PEPD: variants seen among roughly 807,000 people sequenced by gnomAD.
The protein encoded by PEPD is xaa-Pro dipeptidase.
PEPD carries 53 observed loss-of-function variants against 60.7 expected under a neutral mutation model. That is an observed-to-expected ratio of 0.87 (90% CI 0.70 to 1.10). PEPD has a LOEUF of 1.10. PEPD is among the 50% of genes least tolerant of loss of function. The pLI is 0.00. For missense variants in PEPD, 711 were observed against 711.9 expected (o/e 1.00, Z 0.01); for synonymous variants, 267 against 284.1 (o/e 0.94, Z 0.60).
At chr19:33,489,074 TC>T (rs1204090821) in intron 6 of PEPD, among the ~76,000 whole-genome samples, 1 of 151,874 alleles carries the variant, frequency 6.6e-6, no homozygotes, top group Admixed American at 6.6e-5. Context: ...GGCAGGGCTC[TC>T]CCGCCCTCTC....
chr19:33,433,067 C>T (rs1222993822), intron 9 of PEPD, among the ~76,000 whole-genome samples: 2 of 152,242 alleles, frequency 1.3e-5, no homozygotes. Context: ...CCTGAACAAG[C>T]CAGTGGTCCC....
chr19:33,471,695 G>C (rs376324382), intron 7 of PEPD, among the ~76,000 whole-genome samples: 1 of 152,204 alleles, frequency 6.6e-6, no homozygotes, highest in African/African-American at 2.4e-5. Flanking sequence ...CTCAGGACAG[G>C]ATGACAAAGA....
At chr19:33,519,006 G>A (rs1971079957) in intron 1 of PEPD, among the ~76,000 whole-genome samples, 1 of 152,158 alleles carries the variant, frequency 6.6e-6, no homozygotes, top group Non-Finnish European at 1.5e-5. Context: ...GGGAAGAAGG[G>A]AATGGAAAAA....
At chr19:33,465,682 C>T (rs1207134728) in intron 7 of PEPD, among the ~76,000 whole-genome samples, 3 of 152,184 alleles carry the variant, frequency 2.0e-5, no homozygotes, top group Non-Finnish European at 4.4e-5. Flanking sequence ...GACTCAGCTT[C>T]CCATGGAACC....
chr19:33,419,076 G>A (rs958523589), intron 9 of PEPD, among the ~76,000 whole-genome samples: 2 of 152,116 alleles, frequency 1.3e-5, no homozygotes, highest in Admixed American at 1.3e-4. Context: ...CACCAGTCCT[G>A]GCCCACAGAC....
chr19:33,496,829 C>A (rs1970614766), intron 4 of PEPD, among the ~76,000 whole-genome samples: 1 of 152,222 alleles, frequency 6.6e-6, no homozygotes, highest in African/African-American at 2.4e-5. Flanking sequence ...CCCCTGGGGA[C>A]AATCAGAGGC....
intron 9 of PEPD, among the ~76,000 whole-genome samples, chr19:33,430,312 G>A (rs1440969094): frequency 6.6e-6 from 1 of 152,162 alleles, no homozygotes; most frequent in South Asian, 2.1e-4. Flanking sequence ...CCAAGGACAC[G>A]GTCAGTTTGA....
intron 12 of PEPD, among the ~76,000 whole-genome samples, chr19:33,397,934 T>C (rs1000842389): frequency 4.6e-5 from 7 of 152,158 alleles, no homozygotes; most frequent in Admixed American, 3.9e-4. Flanking sequence ...TTGGGGCTGC[T>C]GAGTTGGGCC....
chr19:33,515,874 C>G (rs1163162982), intron 1 of PEPD, among the ~76,000 whole-genome samples: 1 of 152,132 alleles, frequency 6.6e-6, no homozygotes, highest in Non-Finnish European at 1.5e-5. Flanking sequence ...CACAGAAGGG[C>G]TGGCCTTCCC....
intron 9 of PEPD, among the ~76,000 whole-genome samples, chr19:33,452,537 A>G (rs1275994989): frequency 6.6e-6 from 1 of 152,162 alleles, no homozygotes; most frequent in Non-Finnish European, 1.5e-5. Context: ...AAAGAAGATA[A>G]AACTCTAGCA....
intron 10 of PEPD, 75 bp downstream of exon 10, chr19:33,413,500 T>C (rs1175386084): frequency 2.8e-5 from 23 of 820,146 alleles, no homozygotes; most frequent in Admixed American, 8.0e-5. Flanking sequence ...TGGGGGATGG[T>C]GGAGCCCCCC....
At chr19:33,395,491 T>C (rs1968338783) in intron 12 of PEPD, among the ~76,000 whole-genome samples, 1 of 152,110 alleles carries the variant, frequency 6.6e-6, no homozygotes, top group African/African-American at 2.4e-5. Flanking sequence ...ATGCGCCTCA[T>C]GAAATGGCAG....
intron 9 of PEPD, among the ~76,000 whole-genome samples, chr19:33,443,825 G>T (rs1969534902): frequency 1.3e-5 from 2 of 152,214 alleles, no homozygotes; most frequent in Non-Finnish European, 2.9e-5. Flanking sequence ...AGGCAGGGAG[G>T]GTGAGAAGAG....
At chr19:33,389,562 C>T (rs2145323998) in intron 13 of PEPD, among the ~76,000 whole-genome samples, 1 of 152,342 alleles carries the variant, frequency 6.6e-6, no homozygotes, top group Middle Eastern at 3.4e-3. Context: ...TCCCTGTCTC[C>T]ACCCACAGCA....
At chr19:33,440,431 C>T (rs1380042492) in intron 9 of PEPD, among the ~76,000 whole-genome samples, 2 of 152,154 alleles carry the variant, frequency 1.3e-5, no homozygotes, top group Non-Finnish European at 2.9e-5. Context: ...TGCTCCTGAC[C>T]TGGCCCCTCC....
In PEPD at chr19:33,401,796, A is replaced by C. The variant is rs778974892; in HGVS notation, c.892T>G (p.Phe298Val). 9.3e-6 allele frequency: 15 copies of C among 1,612,794 alleles called. No homozygotes were observed. Among genetic ancestry groups the C allele is most frequent in the East Asian group, 2.2e-5 (1 of 44,864 alleles). The stretch of plus-strand genomic sequence containing the variant: ...TAGACGGCCTTCTGGTCTGCAGTGA[A>C]CTTGCCGTTGGCGGGAAAGGAGCAG... ...ITCSFPANGK[F>V]TADQKAVYEA... The change falls in exon 12 of 15, where the codon TTC (phenylalanine) becomes GTC (valine). Residue 298 changes from phenylalanine to valine, a missense_variant. Coordinates refer to ENST00000244137, the MANE Select transcript of PEPD (RefSeq NM_000285.4).
At chr19:33,470,494 G>A (rs1344306323) in intron 7 of PEPD, among the ~76,000 whole-genome samples, 1 of 151,942 alleles carries the variant, frequency 6.6e-6, no homozygotes, top group Non-Finnish European at 1.5e-5. Context: ...GGTCGGAGAC[G>A]ACCCCCTTCT....
chr19:33,393,360 T>C (rs562146104), intron 12 of PEPD, among the ~76,000 whole-genome samples: 29 of 152,002 alleles, frequency 1.9e-4, no homozygotes, highest in Middle Eastern at 6.8e-3. Context: ...GCAGCTGCCC[T>C]GTATCTGGGG....
chr19:33,512,737 C>A lies in PEPD; in HGVS notation c.57G>T (p.Pro19=). The A allele has an allele frequency of 6.2e-7, 1 of 1,614,140 alleles. No individual in the cohort carries two copies. Among genetic ancestry groups the A allele is most frequent in the Non-Finnish European group, 8.5e-7 (1 of 1,180,004 alleles). The change falls in exon 2 of 15, where the codon CCG becomes CCT. Residue 19 remains proline, a synonymous_variant. Transcript: ENST00000244137. ...FWLGNETLKV[P]LALFALNRQR... ...GCCGGTTCAAGGCAAAGAGCGCCAG[C>A]GGCACCTTCAGGGTTTCATTCCCCA...
Sources: gnomAD v4.1 joint callset for allele counts (sites outside exome capture counted in the v4.1 genomes callset) on GRCh38, gnomAD v4.1.1 for gene constraint, MANE v1.5 for transcripts, NCBI Gene and HGNC (gene_info 2026-07-23, HGNC 2026-07-21) for gene names.